Variants in DDX39A observed in about 807,000 individuals in gnomAD.
The protein encoded by DDX39A is DExD-box helicase 39A, also known as ATP-dependent RNA helicase DDX39A.
A neutral mutation model predicts 46.3 loss-of-function variants in DDX39A; 13 were observed. That is an observed-to-expected ratio of 0.28 (90% confidence interval 0.18 to 0.45). DDX39A has a LOEUF of 0.45. Among genes scored for constraint, DDX39A ranks in the 20% least tolerant of loss-of-function variants. DDX39A has a pLI of 1.00. For synonymous variants in DDX39A, 234 were observed against 224.6 expected (o/e 1.04, Z -0.38); for missense variants, 352 against 581.8 (o/e 0.61, Z 4.06).
At position 14,409,863 on chromosome 19, in the gene DDX39A, A is replaced by G; in HGVS notation, c.743T>C (p.Val248Ala). ...CRKFMQDPME[V>A]FVDDETKLTL... is the part of the protein sequence containing the mutation. Reference sequence around the variant, plus strand: ...GAGCTTGGTCTCGTCGTCCACAAACACCTCCATGGGCTGTGTGGGAAGGGA... The same window carrying G: ...GAGCTTGGTCTCGTCGTCCACAAACGCCTCCATGGGCTGTGTGGGAAGGGA... Residue 248 changes from valine (V) to alanine (A), a missense_variant, in exon 7 of 11, where the codon GTG (valine) becomes GCG (alanine). Transcript: ENST00000242776. This position sits in a 1 kb window ranked among gnomAD's most constrained non-coding sequence, Gnocchi z 8.3. The G allele has an allele frequency of 2.5e-6, 4 of 1,612,898 alleles. No homozygotes were observed. Among genetic ancestry groups the G allele is most frequent in the Non-Finnish European group, 3.4e-6 (4 of 1,179,640 alleles).
In DDX39A at chr19:14,412,563, A is replaced by T. The variant is rs775137112; in HGVS notation, c.324T>A (p.Pro108=). 6.2e-7 allele frequency: 1 copy of T among 1,608,852 alleles called. No homozygotes were observed. The highest frequency in any genetic ancestry group is 2.2e-5 in the East Asian group (1 of 44,880). The change falls in exon 3 of 11, where the codon CCT becomes CCA. Residue 108 remains proline (P), a synonymous_variant. Transcript: ENST00000242776. The surrounding 1 kb of genome is among the most constrained non-coding windows in gnomAD (Gnocchi z 4.4). ...GGAGCCCACCCACCTGTCCGTTGACAGGCTCAATCTGCTGTAGGGTGGCCA... is the reference window on the plus strand; with the variant it reads ...GGAGCCCACCCACCTGTCCGTTGACTGGCTCAATCTGCTGTAGGGTGGCCA... ...FVLATLQQIE[P]VNGQVTVLVM...
chr19:14,409,676 C>G lies in DDX39A; in HGVS notation c.865-31G>C. On this transcript the variant is annotated intron_variant, in intron 7 of 10. Coordinates refer to ENST00000242776, the MANE Select transcript of DDX39A (RefSeq NM_005804.4). The surrounding 1 kb of genome is among the most constrained non-coding windows in gnomAD (Gnocchi z 8.3). ...GGAAGGAGTGGCAGTCAGGGCCACA[C>G]AGTCCCTGTGGCCCAGTGACCTCCC... The G allele has an allele frequency of 6.2e-7, 1 of 1,609,664 alleles. No individual in the cohort carries two copies. Among genetic ancestry groups the G allele is most frequent in the Non-Finnish European group, 8.5e-7 (1 of 1,176,726 alleles).
chr19:14,410,963 TG>T lies in DDX39A; in HGVS notation c.613+25del. 1 of 1,524,352 alleles carries T rather than the reference TG, an allele frequency of 6.6e-7. No individual in the cohort carries two copies. Among genetic ancestry groups the T allele is most frequent in the Non-Finnish European group, 8.8e-7 (1 of 1,132,116 alleles). 94.4% of individuals were successfully genotyped at this position (1,524,352 alleles called of 1,614,324 possible). On this transcript the variant is annotated intron_variant, in intron 5 of 10. Coordinates refer to ENST00000242776, the MANE Select transcript of DDX39A (RefSeq NM_005804.4). This position sits in a 1 kb window ranked among gnomAD's most constrained non-coding sequence, Gnocchi z 4.3. The stretch of plus-strand genomic sequence containing the variant: ...GCCCGCCTAGTCACTGACTCTCAGC[TG>T]GGGCTGCAAGGGCAGAGGACTCACC...
rs763458387 is a variant in DDX39A, at chr19:14,413,029, A to G, written c.192T>C (p.Phe64=). The G allele has an allele frequency of 1.2e-5, 20 of 1,613,974 alleles. No homozygotes were observed. Among genetic ancestry groups the G allele is most frequent in the African/African-American group, 2.7e-5 (2 of 74,924 alleles). ...AAGGCGTACCCTCAGAAGGATGCTC[A>G]AAGCCACAGTCCACGATGGCCCGCA... The part of the protein sequence containing the change: ...ELLRAIVDCG[F]EHPSEVQHEC... Residue 64 remains phenylalanine, a synonymous_variant, in exon 2 of 11, where the codon TTT becomes TTC. Coordinates refer to ENST00000242776, the MANE Select transcript of DDX39A (RefSeq NM_005804.4).
At chr19:14,413,550 G>A (rs1342095906) in intron 1 of DDX39A, among the ~76,000 whole-genome samples, 1 of 152,108 alleles carries the variant, frequency 6.6e-6, no homozygotes. Flanking sequence ...ACCACCCCCA[G>A]CCTTGTTCAG....
chr19:14,408,851 T>G lies in DDX39A; in HGVS notation c.*85A>C. 6.6e-7 allele frequency: 1 copy of G among 1,506,794 alleles called. No homozygotes were observed. Among genetic ancestry groups the G allele is most frequent in the South Asian group, 1.3e-5 (1 of 75,162 alleles). The allele number at this position is 1,506,794 out of a possible 1,614,324, so 93.3% of individuals were successfully genotyped here. A position where few individuals can be genotyped will look rare whatever the true frequency, so the allele number is the denominator to read the frequency against. The stretch of plus-strand genomic sequence containing the variant: ...ATAACAAGTTTATTCTCATACAATC[T>G]CTAGCTTCTCAACAGTGGCGCCTGG... On this transcript the variant is annotated 3_prime_UTR_variant, in exon 11 of 11. Coordinates refer to ENST00000242776, the MANE Select transcript of DDX39A (RefSeq NM_005804.4).
At position 14,410,311 on chromosome 19, in the gene DDX39A, T is replaced by C. The variant is rs145427640; in HGVS notation, c.637A>G (p.Ile213Val). The change falls in exon 6 of 11, where the codon ATC (isoleucine) becomes GTC (valine). Residue 213 changes from isoleucine to valine, a missense_variant. Around this residue, in one of 3 missense-constraint regions of DDX39A, gnomAD observed 301 missense variants for 469.9 expected, o/e 0.64. Transcript: ENST00000242776. The surrounding 1 kb of genome is among the most constrained non-coding windows in gnomAD (Gnocchi z 4.3). ...QLDMRRDVQE[I>V]FRLTPHEKQC... ...TTCTCGTGTGGTGTCAGGCGGAAGA[T>C]CTCCTGCACATCCCGCCGCATGTCT... The C allele has an allele frequency of 2.3e-4, 375 of 1,613,802 alleles. 1 individual carries two copies. Among genetic ancestry groups the C allele is most frequent in the Non-Finnish European group, 3.1e-4 (362 of 1,179,958 alleles).
intron 1 of DDX39A, 174 bp downstream of exon 1, chr19:14,419,096 C>T: frequency 2.4e-6 from 1 of 416,082 alleles, no homozygotes; most frequent in African/African-American, 2.1e-5. Context: ...CTAGCGCATG[C>T]GCCCCGGTGC....
intron 1 of DDX39A, among the ~76,000 whole-genome samples, chr19:14,415,716 C>T (rs1239522730): frequency 2.6e-5 from 4 of 152,082 alleles, no homozygotes; most frequent in Non-Finnish European, 5.9e-5. Flanking sequence ...CAATATCCTC[C>T]TCCCTGGTTT....
chr19:14,415,295 T>C (rs1976764899), intron 1 of DDX39A, among the ~76,000 whole-genome samples: 1 of 152,080 alleles, frequency 6.6e-6, no homozygotes, highest in African/African-American at 2.4e-5. Flanking sequence ...CAGTACTCCC[T>C]TCCTTTTTTT....
chr19:14,419,060 A>C (rs1568332362), intron 1 of DDX39A: 1 of 444,524 alleles, frequency 2.2e-6, no homozygotes, highest in Non-Finnish European at 4.5e-6. Flanking sequence ...AGCCCCGAGC[A>C]CCGCGCGCCA....
In DDX39A at chr19:14,410,934, T is replaced by C; in HGVS notation, c.613+55A>G. 2 of 1,473,996 alleles carry C rather than the reference T, an allele frequency of 1.4e-6. No individual in the cohort carries two copies. The highest frequency in any genetic ancestry group is 9.0e-7 in the Non-Finnish European group (1 of 1,108,056). 91.3% of individuals were successfully genotyped at this position (1,473,996 alleles called of 1,614,324 possible). A position where few individuals can be genotyped will look rare whatever the true frequency, so the allele number is the denominator to read the frequency against. ...CCACTCAAGAGCCTTCCGCCTGCTA[T>C]GGGGCCCGCCTAGTCACTGACTCTC... On this transcript the variant is annotated intron_variant, in intron 5 of 10. Coordinates refer to ENST00000242776, the MANE Select transcript of DDX39A (RefSeq NM_005804.4). This position sits in a 1 kb window ranked among gnomAD's most constrained non-coding sequence, Gnocchi z 4.3.
In DDX39A at chr19:14,409,183, A is replaced by G. The variant is rs1236468962; in HGVS notation, c.1121T>C (p.Val374Ala). Residue 374 changes from valine (V) to alanine (A), a missense_variant and splice_region_variant, in exon 10 of 11, where the codon GTG (valine) becomes GCG (alanine). Around this residue, in one of 3 missense-constraint regions of DDX39A, gnomAD observed 301 missense variants for 469.9 expected, o/e 0.64. Transcript: ENST00000242776. This position sits in a 1 kb window ranked among gnomAD's most constrained non-coding sequence, Gnocchi z 8.3. ...GGTGCCAAAGCGACCCGCCCGGGCCACCTGCAGGCAGACAGGATCAGGGTC... is the reference window on the plus strand; with the variant it reads ...GGTGCCAAAGCGACCCGCCCGGGCCGCCTGCAGGCAGACAGGATCAGGGTC... ...PEDSDTYLHR[V>A]ARAGRFGTKG... 6.2e-7 allele frequency: 1 copy of G among 1,614,172 alleles called. No homozygotes were observed. Among genetic ancestry groups the G allele is most frequent in the Non-Finnish European group, 8.5e-7 (1 of 1,180,030 alleles).
rs1439352145 is a variant in DDX39A, at chr19:14,410,567, G to A, written c.614-233C>T. 8 of 557,116 alleles carry A rather than the reference G, an allele frequency of 1.4e-5. No individual in the cohort carries two copies. The highest frequency in any genetic ancestry group is 5.9e-5 in the South Asian group (3 of 50,646). The allele number at this position is 557,116 out of a possible 1,614,324, so 34.5% of individuals were successfully genotyped here. A position where few individuals can be genotyped will look rare whatever the true frequency, so the allele number is the denominator to read the frequency against. Reference sequence around the variant, plus strand: ...ACTTACACGCTGGCGCGGAGCAGCCGTGCCCGTGCGCCTCGAGCCACGCTT... The same window carrying A: ...ACTTACACGCTGGCGCGGAGCAGCCATGCCCGTGCGCCTCGAGCCACGCTT... On this transcript the variant is annotated intron_variant, in intron 5 of 10. Transcript: ENST00000242776. The surrounding 1 kb of genome is among the most constrained non-coding windows in gnomAD (Gnocchi z 4.3).
chr19:14,418,023 G>A (rs1976882674), intron 1 of DDX39A, among the ~76,000 whole-genome samples: 1 of 149,412 alleles, frequency 6.7e-6, no homozygotes. Context: ...ACAAAAATTA[G>A]CCGGATGTGC....
chr19:14,411,230 G>T lies in DDX39A; in HGVS notation c.430-58C>A. ...GATACACGGCCCAAGGCCCCAACCTGCACGGCCCAGCACCTGCGAACAGGA... is the reference window on the plus strand; with the variant it reads ...GATACACGGCCCAAGGCCCCAACCTTCACGGCCCAGCACCTGCGAACAGGA... On this transcript the variant is annotated intron_variant, in intron 4 of 10. Transcript: ENST00000242776. This position sits in a 1 kb window ranked among gnomAD's most constrained non-coding sequence, Gnocchi z 4.1. 6.7e-7 allele frequency: 1 copy of T among 1,503,072 alleles called. No homozygotes were observed. 93.1% of individuals were successfully genotyped at this position (1,503,072 alleles called of 1,614,324 possible).
rs1326902261 is a variant in DDX39A at position 14,410,454 on chromosome 19, G to A, written c.614-120C>T. 13 of 862,132 alleles carry A rather than the reference G, an allele frequency of 1.5e-5. No homozygotes were observed. The highest frequency in any genetic ancestry group is 2.5e-5 in the Non-Finnish European group (13 of 529,180). 53.4% of individuals were successfully genotyped at this position (862,132 alleles called of 1,614,324 possible). On this transcript the variant is annotated intron_variant, in intron 5 of 10. Transcript: ENST00000242776. This position sits in a 1 kb window ranked among gnomAD's most constrained non-coding sequence, Gnocchi z 4.3. ...GGGAGCCAGTGGCACCGTGACGAGG[G>A]CAGAGTGAGCCGCGGGAGTGGCCAG...
At position 14,418,964 on chromosome 19, in the gene DDX39A, C is replaced by T. The variant is rs904515421; in HGVS notation, c.-5+306G>A. ...CTCTCCAAATGGCCCCAGGCCGCCG[C>T]GGGGTCTATTCGGACGAACTGACAG... On this transcript the variant is annotated intron_variant, in intron 1 of 10. Coordinates refer to ENST00000242776, the MANE Select transcript of DDX39A (RefSeq NM_005804.4). The T allele has an allele frequency of 1.5e-5, 7 of 456,156 alleles. 1 individual carries two copies. Among genetic ancestry groups the T allele is most frequent in the East Asian group, 6.9e-5 (1 of 14,392 alleles). 28.3% of individuals were successfully genotyped at this position (456,156 alleles called of 1,614,324 possible).
rs771843969 is a variant in DDX39A, at chr19:14,409,961, G to A, written c.733-88C>T. On this transcript the variant is annotated intron_variant, in intron 6 of 10. Coordinates refer to ENST00000242776, the MANE Select transcript of DDX39A (RefSeq NM_005804.4). The surrounding 1 kb of genome is among the most constrained non-coding windows in gnomAD (Gnocchi z 8.3). ...GAACCTTCCAGTGGGCGACTCCTTTGTGCGACACTTCCCAGAGGACCTGCT... is the reference window on the plus strand; with the variant it reads ...GAACCTTCCAGTGGGCGACTCCTTTATGCGACACTTCCCAGAGGACCTGCT... The A allele has an allele frequency of 1.3e-6, 2 of 1,512,750 alleles. No homozygotes were observed. Among genetic ancestry groups the A allele is most frequent in the Non-Finnish European group, 9.1e-7 (1 of 1,096,964 alleles). The allele number at this position is 1,512,750 out of a possible 1,614,324, so 93.7% of individuals were successfully genotyped here. A position where few individuals can be genotyped will look rare whatever the true frequency, so the allele number is the denominator to read the frequency against.
Sources: allele counts gnomAD v4.1 joint callset (sites outside exome capture counted in the v4.1 genomes callset), GRCh38; gene constraint gnomAD v4.1.1; regional missense constraint gnomAD v4.1.1; non-coding constraint Gnocchi (gnomAD v3.1); transcripts MANE v1.5; gene names NCBI Gene and HGNC (gene_info 2026-07-23, HGNC 2026-07-21).